Variants in RAB6A observed in about 807,000 individuals in gnomAD.
The protein encoded by RAB6A is ras-related protein Rab-6A.
A neutral mutation model predicts 32.3 loss-of-function variants in RAB6A; 8 were observed. The ratio of observed to expected loss-of-function variants is 0.25; its 90% confidence interval spans 0.15 to 0.45. The LOEUF (loss-of-function observed/expected upper bound fraction) is 0.45. RAB6A is among the 20% of genes least tolerant of loss of function. The probability of loss-of-function intolerance (pLI) is 1.00; values close to 1 mark genes in which losing one functional copy is unlikely to be tolerated. For synonymous variants in RAB6A, 73 were observed against 82.1 expected (o/e 0.89, Z 0.60); for missense variants, 104 against 249.4 (o/e 0.42, Z 3.93).
At chr11:73,692,679 G>A (rs1249677705) in intron 6 of RAB6A, among the ~76,000 whole-genome samples, 3 of 149,566 alleles carry the variant, frequency 2.0e-5, no homozygotes, top group African/African-American at 4.9e-5. Context: ...TGCCGGGCGC[G>A]GTGGCTCACG....
At chr11:73,707,899 A>AAAAAC (rs1296728216) in intron 5 of RAB6A, among the ~76,000 whole-genome samples, 3 of 152,152 alleles carry the variant, frequency 2.0e-5, no homozygotes, top group Non-Finnish European at 4.4e-5. Context: ...AGAAAAAGCT[A>AAAAAC]AAAACAAAAC....
chr11:73,692,788 C>CAAAAAAAAAAAAAAAA (rs140762210), intron 6 of RAB6A, among the ~76,000 whole-genome samples: 1 of 98,178 alleles, frequency 1.0e-5, no homozygotes, highest in East Asian at 3.1e-4. Flanking sequence ...ACTAAAAATA[C>CAAAAAAAAAAAAAAAA]AAAAAAAAAA....
chr11:73,723,527 A>G (rs1157297061), intron 2 of RAB6A, among the ~76,000 whole-genome samples: 1 of 151,420 alleles, frequency 6.6e-6, no homozygotes, highest in African/African-American at 2.4e-5. Flanking sequence ...GGGTTTCACT[A>G]TATGTTGGCC....
intron 5 of RAB6A, among the ~76,000 whole-genome samples, chr11:73,712,236 T>G (rs1945967839): frequency 6.6e-6 from 1 of 152,244 alleles, no homozygotes; most frequent in Non-Finnish European, 1.5e-5. Flanking sequence ...CAATTTTATC[T>G]TTTCTATACA....
rs1431540165 is a variant in RAB6A at position 73,693,003 on chromosome 11, C to A, written c.496-13283G>T. Among the ~76,000 whole-genome samples, 8 of 151,660 alleles carry A rather than the reference C, an allele frequency of 5.3e-5. No individual in the cohort carries two copies. The East Asian group carries it at 1.5e-3, about 29-fold the overall frequency. ...ACAAAAAAACAAAAAACAAAAAAAGCCAATTATGAGTATCTTCAATTAAAT... is the reference window on the plus strand; with the variant it reads ...ACAAAAAAACAAAAAACAAAAAAAGACAATTATGAGTATCTTCAATTAAAT... On this transcript the variant is annotated intron_variant, in intron 6 of 7. Coordinates refer to ENST00000336083, the MANE Select transcript of RAB6A (RefSeq NM_198896.2).
At chr11:73,734,807 G>C (rs1363134726) in intron 1 of RAB6A, among the ~76,000 whole-genome samples, 1 of 152,146 alleles carries the variant, frequency 6.6e-6, no homozygotes, top group Non-Finnish European at 1.5e-5. Context: ...AAAAACTAAA[G>C]GAGAGTGTCT....
intron 2 of RAB6A, among the ~76,000 whole-genome samples, chr11:73,729,077 C>T (rs1232989573): frequency 6.6e-6 from 1 of 152,072 alleles, no homozygotes; most frequent in Non-Finnish European, 1.5e-5. Flanking sequence ...TAATTGTTCA[C>T]ACCATTCCAT....
At chr11:73,757,402 C>T (rs1946779527) in intron 1 of RAB6A, among the ~76,000 whole-genome samples, 1 of 151,194 alleles carries the variant, frequency 6.6e-6, no homozygotes, top group Admixed American at 6.6e-5. Flanking sequence ...GAACTGCTGA[C>T]CTCAGATGAT....
At chr11:73,749,810 T>C (rs1295656582) in intron 1 of RAB6A, among the ~76,000 whole-genome samples, 1 of 152,100 alleles carries the variant, frequency 6.6e-6, no homozygotes, top group Non-Finnish European at 1.5e-5. Context: ...TGCAGTGAGC[T>C]GTGATCACAT....
chr11:73,736,992 A>G (rs946889746), intron 1 of RAB6A, among the ~76,000 whole-genome samples: 15 of 150,924 alleles, frequency 9.9e-5, no homozygotes, highest in African/African-American at 3.4e-4. Flanking sequence ...AAAAAAAAAA[A>G]AAAAAGAAGA....
intron 1 of RAB6A, 44 bp from the exon 2 acceptor site, chr11:73,730,867 A>G (rs1478707903): frequency 3.3e-6 from 5 of 1,503,496 alleles, no homozygotes; most frequent in Non-Finnish European, 3.6e-6. Flanking sequence ...AACACATTAC[A>G]TTGGGTTCTC....
chr11:73,748,901 G>A (rs1232586469), intron 1 of RAB6A, among the ~76,000 whole-genome samples: 1 of 152,128 alleles, frequency 6.6e-6, no homozygotes, highest in African/African-American at 2.4e-5. Context: ...GAGGTGGGCA[G>A]ATCAATTGAG....
At chr11:73,744,645 G>C (rs948690774) in intron 1 of RAB6A, among the ~76,000 whole-genome samples, 1 of 150,798 alleles carries the variant, frequency 6.6e-6, no homozygotes, top group Non-Finnish European at 1.5e-5. Flanking sequence ...AATCAAAATA[G>C]TTTGCACTCT....
chr11:73,698,148 G>T, intron 6 of RAB6A, among the ~76,000 whole-genome samples: 1 of 152,162 alleles, frequency 6.6e-6, no homozygotes, highest in Non-Finnish European at 1.5e-5. Flanking sequence ...TTGAACCCTG[G>T]AGGCAGAGAT....
At chr11:73,712,921 T>G (rs1945986219) in intron 5 of RAB6A, among the ~76,000 whole-genome samples, 2 of 152,090 alleles carry the variant, frequency 1.3e-5, no homozygotes, top group Non-Finnish European at 2.9e-5. Flanking sequence ...TTTCGCTATG[T>G]TGGCCAGGCT....
intron 2 of RAB6A, among the ~76,000 whole-genome samples, chr11:73,726,499 G>A (rs934509358): frequency 3.6e-5 from 5 of 140,354 alleles, no homozygotes; most frequent in African/African-American, 7.9e-5. Context: ...GGAGAATGGC[G>A]TGAACCTGGG....
chr11:73,719,057 T>C (rs1480940538), intron 3 of RAB6A, among the ~76,000 whole-genome samples: 1 of 152,150 alleles, frequency 6.6e-6, no homozygotes, highest in Middle Eastern at 3.2e-3. Flanking sequence ...AAACTCCTTT[T>C]TCAAAAGGGA....
chr11:73,753,951 G>T (rs868396633), intron 1 of RAB6A, among the ~76,000 whole-genome samples: 2 of 152,166 alleles, frequency 1.3e-5, no homozygotes, highest in African/African-American at 2.4e-5. Context: ...TTTCAATAAA[G>T]ATTTGTTAAA....
intron 5 of RAB6A, 119 bp downstream of exon 5, chr11:73,716,132 G>A: frequency 1.5e-6 from 1 of 660,638 alleles, no homozygotes; most frequent in South Asian, 2.3e-5. Context: ...AGAAAAGCAG[G>A]GGAGGACGTA....
Sources: allele counts gnomAD v4.1 joint callset (sites outside exome capture counted in the v4.1 genomes callset), GRCh38; gene constraint gnomAD v4.1.1; transcripts MANE v1.5; gene names NCBI Gene and HGNC (gene_info 2026-07-23, HGNC 2026-07-21).